RNF38: variants seen among roughly 807,000 people sequenced by gnomAD.
RNF38 encodes E3 ubiquitin-protein ligase RNF38.
A neutral mutation model predicts 67.2 loss-of-function variants in RNF38; 15 were observed. The ratio of observed to expected loss-of-function variants is 0.22; its 90% CI spans 0.15 to 0.34. The LOEUF (loss-of-function observed/expected upper bound fraction) is 0.34, where lower values mean the gene tolerates loss of function less well. Among genes scored for constraint, RNF38 ranks in the 10% least tolerant of loss-of-function variants. The probability of loss-of-function intolerance (pLI) is 1.00; values close to 1 mark genes in which losing one functional copy is unlikely to be tolerated. For missense variants in RNF38, 524 were observed against 639.9 expected (o/e 0.82, Z 1.95); for synonymous variants, 220 against 218.8 (o/e 1.01, Z -0.05).
chr9:36,460,836 G>A (rs1454696906), intron 1 of RNF38, among the ~76,000 whole-genome samples: 4 of 139,442 alleles, frequency 2.9e-5, no homozygotes, highest in Non-Finnish European at 6.0e-5. Context: ...GCAGCGAGCC[G>A]AGATTGCACC....
intron 3 of RNF38, among the ~76,000 whole-genome samples, chr9:36,375,195 T>C (rs1057337544): frequency 6.6e-6 from 1 of 152,182 alleles, no homozygotes; most frequent in Non-Finnish European, 1.5e-5. Flanking sequence ...AGTTGTTTTT[T>C]GTTTTGTTTT....
chr9:36,476,317 C>G (rs1840119709), intron 1 of RNF38, among the ~76,000 whole-genome samples: 1 of 151,938 alleles, frequency 6.6e-6, no homozygotes, highest in Non-Finnish European at 1.5e-5. Flanking sequence ...GGGGTTTCCC[C>G]TTGGCCAAGC....
intron 2 of RNF38, among the ~76,000 whole-genome samples, chr9:36,421,439 G>A (rs1838624431): frequency 6.6e-6 from 1 of 151,980 alleles, no homozygotes; most frequent in Non-Finnish European, 1.5e-5. Flanking sequence ...TGAGGTGGGA[G>A]GATCACTTGA....
chr9:36,374,774 G>A (rs961358984), intron 3 of RNF38, among the ~76,000 whole-genome samples: 4 of 152,130 alleles, frequency 2.6e-5, no homozygotes, highest in Admixed American at 1.3e-4. Flanking sequence ...GAGCCACCCC[G>A]GCGCATTGCT....
chr9:36,422,486 C>T (rs887268446), intron 2 of RNF38, among the ~76,000 whole-genome samples: 3 of 152,044 alleles, frequency 2.0e-5, no homozygotes, highest in African/African-American at 7.2e-5. Context: ...TTCTTTTATC[C>T]ACTTCACTTA....
intron 1 of RNF38, among the ~76,000 whole-genome samples, chr9:36,485,292 G>C (rs1840378544): frequency 7.1e-6 from 1 of 141,740 alleles, no homozygotes; most frequent in East Asian, 1.9e-4. Context: ...AAGTGTACAA[G>C]GATCTCTTAG....
At chr9:36,484,129 G>C (rs1032428685) in intron 1 of RNF38, among the ~76,000 whole-genome samples, 5 of 152,158 alleles carry the variant, frequency 3.3e-5, no homozygotes, top group African/African-American at 1.2e-4. Flanking sequence ...CCAATCTACT[G>C]GGGAGTTTTC....
chr9:36,347,173 G>T, intron 9 of RNF38, among the ~76,000 whole-genome samples: 1 of 126,074 alleles, frequency 7.9e-6, no homozygotes, highest in Admixed American at 9.5e-5. Context: ...AATTGATGGT[G>T]ATTACAATAT....
chr9:36,370,211 ATAAGTGAAAAATAGTC>A (rs1284319929), intron 3 of RNF38, among the ~76,000 whole-genome samples: 1 of 152,196 alleles, frequency 6.6e-6, no homozygotes, highest in African/African-American at 2.4e-5. Flanking sequence ...TGCCCTTTTT[ATAAGTGAAAAATAGTC>A]TAATAGCAAC....
intron 1 of RNF38, among the ~76,000 whole-genome samples, chr9:36,443,674 CA>C (rs1336549802): frequency 1.3e-5 from 2 of 151,624 alleles, no homozygotes; most frequent in Non-Finnish European, 2.9e-5. Flanking sequence ...AATTAAAATG[CA>C]AAAAAGAAAT....
At chr9:36,428,845 G>C (rs1260102046) in intron 1 of RNF38, among the ~76,000 whole-genome samples, 1 of 152,138 alleles carries the variant, frequency 6.6e-6, no homozygotes, top group East Asian at 1.9e-4. Flanking sequence ...ATGTACACAA[G>C]ACAAAGCAAA....
intron 1 of RNF38, among the ~76,000 whole-genome samples, chr9:36,458,327 G>A (rs2134363350): frequency 6.6e-6 from 1 of 152,290 alleles, no homozygotes; most frequent in South Asian, 2.1e-4. Context: ...CAGGATGTGG[G>A]CAGGGCCAAA....
At chr9:36,447,049 C>T (rs111929430) in intron 1 of RNF38, among the ~76,000 whole-genome samples, 17,272 of 149,578 alleles carry the variant, frequency 0.12, 1,249 homozygotes, top group East Asian at 0.3. Flanking sequence ...ATTGCTTGAA[C>T]ACAGGAGATG....
At chr9:36,453,239 A>T (rs1254847719) in intron 1 of RNF38, among the ~76,000 whole-genome samples, 1 of 152,140 alleles carries the variant, frequency 6.6e-6, no homozygotes, top group Non-Finnish European at 1.5e-5. Context: ...TTTGAGACAG[A>T]GTCTTGCTCT....
At chr9:36,436,682 G>C (rs1040446573) in intron 1 of RNF38, among the ~76,000 whole-genome samples, 3 of 151,958 alleles carry the variant, frequency 2.0e-5, no homozygotes, top group African/African-American at 7.3e-5. Flanking sequence ...CATTAGCCGG[G>C]CGTGGTGGCA....
intron 2 of RNF38, among the ~76,000 whole-genome samples, chr9:36,421,048 C>A (rs1227560818): frequency 6.6e-6 from 1 of 152,112 alleles, no homozygotes; most frequent in East Asian, 1.9e-4. Context: ...AATAAATTGG[C>A]CCTCATACTC....
At chr9:36,484,647 T>C (rs1279511614) in intron 1 of RNF38, among the ~76,000 whole-genome samples, 2 of 152,160 alleles carry the variant, frequency 1.3e-5, no homozygotes, top group African/African-American at 4.8e-5. Flanking sequence ...CCAAAGACAA[T>C]CATTACACTT....
At chr9:36,377,474 T>C (rs1835874816) in intron 2 of RNF38, among the ~76,000 whole-genome samples, 1 of 152,226 alleles carries the variant, frequency 6.6e-6, no homozygotes, top group Non-Finnish European at 1.5e-5. Flanking sequence ...CTTAGCAGTA[T>C]TCCAAAAACC....
intron 11 of RNF38, among the ~76,000 whole-genome samples, chr9:36,341,875 C>T (rs1832875986): frequency 2.0e-5 from 1 of 49,636 alleles, no homozygotes; most frequent in Non-Finnish European, 4.8e-5. Flanking sequence ...TAAAGAAGCC[C>T]CTGCAATAAT....
Sources: gnomAD v4.1 joint callset for allele counts (sites outside exome capture counted in the v4.1 genomes callset) on GRCh38, gnomAD v4.1.1 for gene constraint, MANE v1.5 for transcripts, NCBI Gene and HGNC (gene_info 2026-07-23, HGNC 2026-07-21) for gene names.